Variants in SPATA13 observed in about 807,000 individuals in gnomAD.
SPATA13 encodes the protein spermatogenesis-associated protein 13.
SPATA13 carries 50 observed loss-of-function variants against 104.0 expected under a neutral mutation model. That is an observed-to-expected ratio of 0.48 (90% CI 0.38 to 0.61). SPATA13 has a LOEUF of 0.61. SPATA13 is among the 20% of genes least tolerant of loss of function. The probability of loss-of-function intolerance (pLI) is 0.00; values close to 1 mark genes in which losing one functional copy is unlikely to be tolerated. For missense variants in SPATA13, 1,524 were observed against 1,690.6 expected (o/e 0.90, Z 1.73); for synonymous variants, 606 against 667.5 (o/e 0.91, Z 1.42).
chr13:23,984,759 GA>G (rs1319392868), intron 2 of SPATA13, among the ~76,000 whole-genome samples: 2 of 152,196 alleles, frequency 1.3e-5, no homozygotes, highest in Non-Finnish European at 2.9e-5. Context: ...TTCTTGTGTA[GA>G]ACAGCTACGG....
At chr13:24,080,341 C>A (rs924268000) in intron 3 of SPATA13, among the ~76,000 whole-genome samples, 14 of 152,210 alleles carry the variant, frequency 9.2e-5, no homozygotes, top group African/African-American at 2.9e-4. Context: ...AATGAATGGG[C>A]TGTGAAGAGA....
chr13:24,170,117 T>G (rs938163305), intron 1 of SPATA13, among the ~76,000 whole-genome samples: 2 of 152,154 alleles, frequency 1.3e-5, no homozygotes, highest in African/African-American at 4.8e-5. Context: ...GCCTCAAATA[T>G]CTGCAGGGGG....
chr13:24,128,905 C>CT (rs530006928), intron 3 of SPATA13, among the ~76,000 whole-genome samples: 8 of 152,058 alleles, frequency 5.3e-5, no homozygotes, highest in Non-Finnish European at 1.2e-4. Flanking sequence ...CCTTTTTATA[C>CT]TTTTTTTTCT....
At chr13:24,266,274 A>G (rs971285965) in intron 4 of SPATA13, among the ~76,000 whole-genome samples, 119 of 152,176 alleles carry the variant, frequency 7.8e-4, no homozygotes, top group African/African-American at 2.8e-3. Context: ...TTCAACATCT[A>G]TTTTTAAAAA....
At position 24,251,874 on chromosome 13, in the gene SPATA13, A is replaced by C. The variant is rs1434378291; in HGVS notation, c.2164+12A>C. 6.2e-7 allele frequency: 1 copy of C among 1,610,886 alleles called. No homozygotes were observed. Among genetic ancestry groups the C allele is most frequent in the Admixed American group, 1.7e-5 (1 of 59,798 alleles). ...GAGAGCATCCAACGGTGAGTCTCAGAGTCCCTTTCCTTTCAGAGCTGCTAT... is the reference window on the plus strand; with the variant it reads ...GAGAGCATCCAACGGTGAGTCTCAGCGTCCCTTTCCTTTCAGAGCTGCTAT... On this transcript the variant is annotated intron_variant, in intron 4 of 12. Transcript: ENST00000382108.
intron 12 of SPATA13, among the ~76,000 whole-genome samples, chr13:24,301,708 C>G (rs1877196129): frequency 6.6e-6 from 1 of 152,194 alleles, no homozygotes; most frequent in Admixed American, 6.5e-5. Flanking sequence ...CCAAGGCCTT[C>G]CTGCTTTCAG....
At chr13:24,260,813 AC>A (rs1342781208) in intron 4 of SPATA13, among the ~76,000 whole-genome samples, 2 of 152,258 alleles carry the variant, frequency 1.3e-5, no homozygotes, top group Non-Finnish European at 2.9e-5. Context: ...TGTGGATTGT[AC>A]AAGAGACAAT....
intron 2 of SPATA13, among the ~76,000 whole-genome samples, chr13:24,003,436 G>A (rs1351100523): frequency 6.6e-6 from 1 of 152,190 alleles, no homozygotes; most frequent in Non-Finnish European, 1.5e-5. Context: ...TACTGTGCAT[G>A]TCTTCATGAG....
intron 3 of SPATA13, among the ~76,000 whole-genome samples, chr13:24,078,137 C>T (rs1879393070): frequency 1.3e-5 from 2 of 152,158 alleles, no homozygotes; most frequent in African/African-American, 4.8e-5. Flanking sequence ...CTGCCTGCCA[C>T]CTGCTCGCCC....
At chr13:24,245,584 CT>C (rs61316306) in intron 2 of SPATA13, among the ~76,000 whole-genome samples, 1,888 of 88,574 alleles carry the variant, frequency 0.021, 39 homozygotes, top group East Asian at 0.1. Context: ...ACAGTTGTTT[CT>C]TTTTTTTTTT....
At chr13:24,227,386 A>T (rs1235809527) in intron 2 of SPATA13, among the ~76,000 whole-genome samples, 2 of 152,162 alleles carry the variant, frequency 1.3e-5, no homozygotes, top group Non-Finnish European at 2.9e-5. Context: ...TTATGGTTTT[A>T]TATGTATATT....
chr13:24,093,910 A>G (rs1358957763), intron 3 of SPATA13, among the ~76,000 whole-genome samples: 1 of 151,794 alleles, frequency 6.6e-6, no homozygotes, highest in Admixed American at 6.6e-5. Flanking sequence ...TGCAGCCTCA[A>G]CTGTAATCAG....
intron 4 of SPATA13, chr13:24,270,838 G>A (rs1453914588): frequency 1.2e-6 from 2 of 1,612,712 alleles, no homozygotes; most frequent in Middle Eastern, 1.6e-4. Flanking sequence ...TCTGAAGGTT[G>A]CCGTTTTCCA....
chr13:24,214,456 A>G (rs1461967731), intron 1 of SPATA13, among the ~76,000 whole-genome samples: 1 of 152,370 alleles, frequency 6.6e-6, no homozygotes, highest in East Asian at 1.9e-4. Context: ...TTTACAATGC[A>G]TGTGCTTCTC....
chr13:24,162,781 C>G (rs1310993267), intron 1 of SPATA13, among the ~76,000 whole-genome samples: 1 of 152,212 alleles, frequency 6.6e-6, no homozygotes, highest in East Asian at 1.9e-4. Context: ...GAGGAGGTAA[C>G]CGGCATGGCT....
chr13:24,165,519 G>C (rs1882690987), intron 1 of SPATA13, among the ~76,000 whole-genome samples: 2 of 152,106 alleles, frequency 1.3e-5, no homozygotes, highest in African/African-American at 4.8e-5. Flanking sequence ...TGCCTTCCTG[G>C]GTTCCTGGGC....
chr13:24,156,255 C>A (rs529102663), upstream of SPATA13, among the ~76,000 whole-genome samples: 68 of 152,222 alleles, frequency 4.5e-4, no homozygotes, highest in South Asian at 0.014. Context: ...TGAGGAATTG[C>A]CATACCTGTT....
intron 2 of SPATA13, among the ~76,000 whole-genome samples, chr13:23,987,540 A>C (rs1011339263): frequency 3.9e-5 from 6 of 152,220 alleles, no homozygotes; most frequent in Middle Eastern, 6.3e-3. Flanking sequence ...CCACTGAATT[A>C]AGCATTTTTT....
chr13:24,036,554 C>T (rs1490284838), intron 3 of SPATA13, among the ~76,000 whole-genome samples: 1 of 152,078 alleles, frequency 6.6e-6, no homozygotes, highest in South Asian at 2.1e-4. Flanking sequence ...TGTTTTAGCT[C>T]CCCTGCCACC....
Sources: gnomAD v4.1 joint callset for allele counts (sites outside exome capture counted in the v4.1 genomes callset) on GRCh38, gnomAD v4.1.1 for gene constraint, MANE v1.5 for transcripts, NCBI Gene and HGNC (gene_info 2026-07-23, HGNC 2026-07-21) for gene names.